The following CCDC102B variants were observed in gnomAD, a reference collection of about 807,000 sequenced individuals.
CCDC102B encodes coiled-coil domain-containing protein 102B.
CCDC102B carries 75 observed loss-of-function variants against 57.4 expected under a neutral mutation model. The ratio of observed to expected loss-of-function variants is 1.31; its 90% CI spans 1.08 to 1.58. The LOEUF (loss-of-function observed/expected upper bound fraction) is 1.58. Ranked by LOEUF, CCDC102B falls within the 40% of genes most tolerant of loss-of-function variation. The probability of loss-of-function intolerance (pLI) is 0.00; values close to 1 mark genes in which losing one functional copy is unlikely to be tolerated. For synonymous variants in CCDC102B, 206 were observed against 201.9 expected (o/e 1.02, Z -0.17); for missense variants, 636 against 582.6 (o/e 1.09, Z -0.94).
intron 2 of CCDC102B, among the ~76,000 whole-genome samples, chr18:68,767,921 A>T (rs965875663): frequency 2.0e-4 from 30 of 152,158 alleles, no homozygotes; most frequent in Admixed American, 9.2e-4. Context: ...TTGGATTTCC[A>T]GTCATTATGA....
rs529375196 is a variant in CCDC102B at position 68,935,654 on chromosome 18, T to C, written c.1263+38226T>C. On this transcript the variant is annotated intron_variant, in intron 6 of 7. Transcript: ENST00000360242. Reference sequence around the variant, plus strand: ...TGTGAAACGGGAAGAAATACCCAGATGAACACGAATTGATAGAAAAGCAAC... The same window carrying C: ...TGTGAAACGGGAAGAAATACCCAGACGAACACGAATTGATAGAAAAGCAAC... Among the ~76,000 whole-genome samples, 25 of 152,042 alleles carry C rather than the reference T, an allele frequency of 1.6e-4. 1 individual carries two copies. The South Asian group carries it at 4.8e-3, about 29-fold the overall frequency.
chr18:68,757,339 T>G (rs773028041), intron 2 of CCDC102B, among the ~76,000 whole-genome samples: 1 of 152,184 alleles, frequency 6.6e-6, no homozygotes, highest in Non-Finnish European at 1.5e-5. Flanking sequence ...CAAGGAATCC[T>G]TATAAGATAA....
At chr18:68,995,395 A>G (rs2050996115) in intron 6 of CCDC102B, among the ~76,000 whole-genome samples, 1 of 152,132 alleles carries the variant, frequency 6.6e-6, no homozygotes, top group Non-Finnish European at 1.5e-5. Context: ...AGCCCCTCCC[A>G]TCTTAGGTCG....
intron 7 of CCDC102B, among the ~76,000 whole-genome samples, chr18:69,030,377 C>T (rs1476278096): frequency 6.6e-6 from 1 of 151,980 alleles, no homozygotes; most frequent in Non-Finnish European, 1.5e-5. Context: ...AATCAAAGTG[C>T]CTTGGTGGAG....
At chr18:68,981,078 AT>A (rs2145292196) in intron 6 of CCDC102B, among the ~76,000 whole-genome samples, 1 of 152,108 alleles carries the variant, frequency 6.6e-6, no homozygotes, top group East Asian at 1.9e-4. Flanking sequence ...GCTGAGTTTT[AT>A]TTTCATGTTT....
chr18:68,866,817 GA>G, intron 4 of CCDC102B: 1 of 694,284 alleles, frequency 1.4e-6, no homozygotes, highest in Non-Finnish European at 2.7e-6. Flanking sequence ...AGTCTTATTT[GA>G]AACTTGTGAA....
At chr18:68,926,273 T>C (rs527973378) in intron 6 of CCDC102B, among the ~76,000 whole-genome samples, 3 of 152,034 alleles carry the variant, frequency 2.0e-5, no homozygotes, top group South Asian at 4.1e-4. Flanking sequence ...TAATCAAATA[T>C]AGTTTAATCA....
chr18:68,777,329 G>T (rs949079228), intron 2 of CCDC102B, among the ~76,000 whole-genome samples: 10 of 152,146 alleles, frequency 6.6e-5, no homozygotes, highest in African/African-American at 2.4e-4. Context: ...TTATATGAGG[G>T]TCTGTGCTGT....
intron 5 of CCDC102B, among the ~76,000 whole-genome samples, chr18:68,893,211 C>A (rs1042105547): frequency 6.6e-6 from 1 of 152,102 alleles, no homozygotes; most frequent in Non-Finnish European, 1.5e-5. Context: ...TAAATATTTT[C>A]TCTAAATGAT....
At chr18:68,995,045 T>G (rs1182067977) in intron 6 of CCDC102B, among the ~76,000 whole-genome samples, 1 of 152,148 alleles carries the variant, frequency 6.6e-6, no homozygotes, top group Non-Finnish European at 1.5e-5. Flanking sequence ...CAGGCTGAGG[T>G]GGTCTCAGAC....
Position 68,802,766 on chromosome 18 carries a change from C to T in CCDC102B, c.-16+4585C>T, listed in dbSNP as rs140051493. ...TAATATAAATGACATATTCGAGAAG[C>T]ATAGATCTTTATCCAAAACGATATC... On this transcript the variant is annotated intron_variant, in intron 1 of 7. Transcript: ENST00000360242. 1.1e-4 allele frequency among the ~76,000 whole-genome samples: 16 copies of T among 152,280 alleles called. No individual in the cohort carries two copies. The East Asian group carries it at 3.1e-3, about 29-fold the overall frequency.
intron 5 of CCDC102B, among the ~76,000 whole-genome samples, chr18:68,894,261 G>A (rs1033298469): frequency 3.3e-5 from 5 of 151,760 alleles, no homozygotes; most frequent in South Asian, 2.1e-4. Flanking sequence ...ACTTTTTCTC[G>A]ACGTTTAATA....
intron 2 of CCDC102B, among the ~76,000 whole-genome samples, chr18:68,765,341 G>GA (rs1279125218): frequency 2.8e-5 from 3 of 108,016 alleles, no homozygotes; most frequent in African/African-American, 1.1e-4. Flanking sequence ...AAGAAAGAAA[G>GA]AAAGAAAGAA....
intron 4 of CCDC102B, among the ~76,000 whole-genome samples, chr18:68,860,601 G>A (rs2038706890): frequency 1.8e-5 from 2 of 110,842 alleles, no homozygotes; most frequent in South Asian, 3.1e-4. Flanking sequence ...AACTCCTCAG[G>A]GAGAGCCTTC....
chr18:68,990,755 G>C (rs1175390665), intron 6 of CCDC102B, among the ~76,000 whole-genome samples: 1 of 151,954 alleles, frequency 6.6e-6, no homozygotes, highest in Non-Finnish European at 1.5e-5. Flanking sequence ...TTTCTTATTA[G>C]AAGTAATGTT....
chr18:69,044,653 CATT>C (rs1044307295), intron 7 of CCDC102B, among the ~76,000 whole-genome samples: 2 of 152,108 alleles, frequency 1.3e-5, no homozygotes, highest in Admixed American at 1.3e-4. Context: ...GATAGTTTAA[CATT>C]ATTATTTCCT....
intron 6 of CCDC102B, among the ~76,000 whole-genome samples, chr18:68,945,318 T>C (rs1352780417): frequency 6.6e-6 from 1 of 152,138 alleles, no homozygotes; most frequent in Admixed American, 6.6e-5. Flanking sequence ...ATCATCTGCA[T>C]TGTAAGTTCT....
In CCDC102B at chr18:69,014,093, T is replaced by C. The variant is rs187959675; in HGVS notation, c.1434+2989T>C. Among the ~76,000 whole-genome samples the C allele has an allele frequency of 4.6e-3, 706 of 152,290 alleles. 12 individuals carry two copies. The highest frequency in any genetic ancestry group is 0.016 in the African/African-American group (647 of 41,560). The stretch of plus-strand genomic sequence containing the variant: ...AGTAGCTCAAAGATAGAGAAATGTT[T>C]CTAAAAGTATTACTGATGTGAATAT... On this transcript the variant is annotated intron_variant, in intron 7 of 7. Transcript: ENST00000360242.
intron 7 of CCDC102B, among the ~76,000 whole-genome samples, chr18:69,022,410 T>C (rs9954425): frequency 0.87 from 132,571 of 151,692 alleles, 58,796 homozygotes; most frequent in Non-Finnish European, 0.96. Context: ...GTTGGATAAT[T>C]TGTTACTTCT....
Sources: gnomAD v4.1 joint callset for allele counts (sites outside exome capture counted in the v4.1 genomes callset) on GRCh38, gnomAD v4.1.1 for gene constraint, MANE v1.5 for transcripts, NCBI Gene and HGNC (gene_info 2026-07-23, HGNC 2026-07-21) for gene names.